PPME1: variants seen among roughly 807,000 people sequenced by gnomAD.
The protein encoded by PPME1 is testicular secretory protein Li 39.
Under a neutral mutation model 56.9 loss-of-function variants are expected in PPME1, and 17 were observed. That is an observed-to-expected ratio of 0.30 (90% CI 0.20 to 0.45). The LOEUF (loss-of-function observed/expected upper bound fraction) is 0.45. Ranked by LOEUF, PPME1 falls within the 20% of genes least tolerant of loss-of-function variation. The pLI is 1.00. For missense variants in PPME1, 357 were observed against 483.2 expected, an observed-to-expected ratio of 0.74 and a Z score of 2.45; for synonymous variants, 122 against 156.2, an observed-to-expected ratio of 0.78 and a Z score of 1.63.
chr11:74,204,789 A>G (rs1201736907), intron 3 of PPME1: 4 of 174,842 alleles, frequency 2.3e-5, no homozygotes, highest in Admixed American at 1.8e-4. Context: ...GTTCTGATTG[A>G]TAAGTAACTG....
At chr11:74,199,591 C>T (rs1183790404) in intron 1 of PPME1, among the ~76,000 whole-genome samples, 4 of 152,212 alleles carry the variant, frequency 2.6e-5, no homozygotes, top group Admixed American at 6.5e-5. Flanking sequence ...CATCCTGTCT[C>T]AGTCTCCCAA....
chr11:74,184,398 A>G (rs1055751136), intron 1 of PPME1, among the ~76,000 whole-genome samples: 5 of 152,218 alleles, frequency 3.3e-5, no homozygotes, highest in African/African-American at 7.2e-5. Flanking sequence ...AATATTTTAT[A>G]ACACTGTTGG....
intron 9 of PPME1, among the ~76,000 whole-genome samples, chr11:74,245,439 C>A (rs776186658): frequency 6.6e-6 from 1 of 151,786 alleles, no homozygotes; most frequent in Non-Finnish European, 1.5e-5. Flanking sequence ...ATTTTTTCAG[C>A]CAATATTTGA....
chr11:74,204,441 T>G lies in PPME1; in HGVS notation c.284T>G (p.Phe95Cys). Residue 95 changes from phenylalanine to cysteine, a missense_variant, in exon 3 of 14, where the codon TTC (phenylalanine) becomes TGC (cysteine). By Grantham distance (205) the Phe-to-Cys change is radical. Around this residue, in one of 2 missense-constraint regions of PPME1, gnomAD observed 175 missense variants for 189.4 expected, o/e 0.92. Transcript: ENST00000328257. Reference protein sequence around the residue: ...GGHSALSWAVFTAAIISRVQC... With the variant: ...GGHSALSWAVCTAAIISRVQC... Reference sequence around the variant, plus strand: ...CATTCTGCCCTTTCTTGGGCTGTGTTCACGGTAAGTAGGTTGTTGATAGTA... The same window carrying G: ...CATTCTGCCCTTTCTTGGGCTGTGTGCACGGTAAGTAGGTTGTTGATAGTA... 1 of 1,608,994 alleles carries G rather than the reference T, an allele frequency of 6.2e-7. No individual in the cohort carries two copies. The highest frequency in any genetic ancestry group is 8.5e-7 in the Non-Finnish European group (1 of 1,175,786).
intron 1 of PPME1, among the ~76,000 whole-genome samples, chr11:74,180,254 C>G (rs1857496949): frequency 6.6e-6 from 1 of 152,156 alleles, no homozygotes. Flanking sequence ...TCTCTATTCT[C>G]CTTAGTCCTC....
intron 1 of PPME1, among the ~76,000 whole-genome samples, chr11:74,188,895 GATTTGTACA>G (rs1302254734): frequency 6.6e-6 from 1 of 152,088 alleles, no homozygotes; most frequent in Non-Finnish European, 1.5e-5. Flanking sequence ...TGTGGTAATT[GATTTGTACA>G]AAGTGTTTAA....
At chr11:74,240,215 A>G (rs1859321578) in intron 9 of PPME1, among the ~76,000 whole-genome samples, 1 of 152,104 alleles carries the variant, frequency 6.6e-6, no homozygotes, top group Non-Finnish European at 1.5e-5. Flanking sequence ...TAAGTCATAG[A>G]ACTGATTTTA....
At chr11:74,232,389 C>T (rs998302289) in intron 7 of PPME1, among the ~76,000 whole-genome samples, 8 of 152,336 alleles carry the variant, frequency 5.3e-5, no homozygotes, top group African/African-American at 1.9e-4. Flanking sequence ...TAAATATATC[C>T]TAGGCGTTTT....
chr11:74,198,915 C>T (rs942606184), intron 1 of PPME1: 2 of 152,198 alleles, frequency 1.3e-5, no homozygotes, highest in Admixed American at 6.5e-5. Flanking sequence ...AAATCACACA[C>T]ATACAAATAA....
intron 1 of PPME1, 103 bp from the exon 2 acceptor site, chr11:74,203,625 C>G (rs1031747345): frequency 1.4e-6 from 1 of 723,802 alleles, no homozygotes; most frequent in African/African-American, 1.8e-5. Flanking sequence ...GAGAAAATAC[C>G]TTTGCTGTTT....
intron 1 of PPME1, among the ~76,000 whole-genome samples, chr11:74,180,929 C>T (rs536015427): frequency 4.6e-5 from 7 of 152,178 alleles, no homozygotes; most frequent in South Asian, 4.1e-4. Flanking sequence ...GTGTTAAAAG[C>T]GCTCCAAAGT....
At chr11:74,193,574 T>A (rs1310382566) in intron 1 of PPME1, among the ~76,000 whole-genome samples, 1 of 152,224 alleles carries the variant, frequency 6.6e-6, no homozygotes, top group Admixed American at 6.5e-5. Flanking sequence ...ACTGCTTTTA[T>A]TTCACTGTCT....
intron 9 of PPME1, among the ~76,000 whole-genome samples, chr11:74,243,125 A>T (rs1438758311): frequency 6.6e-6 from 1 of 152,070 alleles, no homozygotes; most frequent in East Asian, 1.9e-4. Context: ...TTGTTAGCCA[A>T]CTTTCTGTTT....
intron 1 of PPME1, among the ~76,000 whole-genome samples, chr11:74,202,929 T>A (rs1376293138): frequency 3.3e-5 from 5 of 152,140 alleles, no homozygotes; most frequent in Non-Finnish European, 5.9e-5. Context: ...ACCCAAGTGA[T>A]AGCACGCATA....
intron 13 of PPME1, among the ~76,000 whole-genome samples, chr11:74,252,987 G>A (rs1400954496): frequency 1.3e-5 from 2 of 152,164 alleles, no homozygotes. Flanking sequence ...CCATTGAAAA[G>A]TCTCTTCTCT....
At chr11:74,240,652 T>G (rs760802664) in intron 9 of PPME1, among the ~76,000 whole-genome samples, 1 of 152,232 alleles carries the variant, frequency 6.6e-6, no homozygotes, top group Non-Finnish European at 1.5e-5. Flanking sequence ...TGTAATACTT[T>G]GTACCTCTTT....
chr11:74,230,116 TA>T lies in PPME1; in HGVS notation c.399-127del. ...TAGAAGGTTTACATAGGTATGTTTG[TA>T]AGATGGCCCAATAGACTTTTACAGT... On this transcript the variant is annotated intron_variant, in intron 5 of 13. Transcript: ENST00000328257. This position sits in a 1 kb window ranked among gnomAD's most constrained non-coding sequence, Gnocchi z 4.9. 1.0e-6 allele frequency: 1 copy of T among 989,398 alleles called. No homozygotes were observed. Among genetic ancestry groups the T allele is most frequent in the Non-Finnish European group, 1.5e-6 (1 of 675,232 alleles). The allele number at this position is 989,398 out of a possible 1,614,324, so 61.3% of individuals were successfully genotyped here.
chr11:74,230,370 T>C lies in PPME1; in HGVS notation c.524T>C (p.Leu175Ser). 6.2e-7 allele frequency: 1 copy of C among 1,613,874 alleles called. No homozygotes were observed. The highest frequency in any genetic ancestry group is 8.5e-7 in the Non-Finnish European group (1 of 1,179,790). The change falls in exon 6 of 14, where the codon TTG becomes TCG. Residue 175 changes from leucine to serine, a missense_variant. Physicochemically the swap from Leu to Ser is moderately radical, Grantham distance 145. Around this residue, in one of 2 missense-constraint regions of PPME1, gnomAD observed 182 missense variants for 293.8 expected, o/e 0.62. Transcript: ENST00000328257. The surrounding 1 kb of genome is among the most constrained non-coding windows in gnomAD (Gnocchi z 4.9). ...TCATCCAACCTGGTACCAAGCCTCTTGGGTCTGTGCATGATTGATGTTGTA... is the reference window on the plus strand; with the variant it reads ...TCATCCAACCTGGTACCAAGCCTCTCGGGTCTGTGCATGATTGATGTTGTA... ...TASSNLVPSL[L>S]GLCMIDVVEG...
intron 8 of PPME1, chr11:74,237,956 T>C (rs1427596425): frequency 1.3e-5 from 2 of 152,242 alleles, no homozygotes; most frequent in Non-Finnish European, 2.9e-5. Context: ...ACATGGCATA[T>C]ATGCAGATAG....
Sources: gnomAD v4.1 joint callset for allele counts (sites outside exome capture counted in the v4.1 genomes callset) on GRCh38, gnomAD v4.1.1 for gene constraint, gnomAD v4.1.1 regional missense constraint, Gnocchi (gnomAD v3.1) non-coding constraint, MANE v1.5 for transcripts, NCBI Gene and HGNC (gene_info 2026-07-23, HGNC 2026-07-21) for gene names.